TMEM132E: variants seen among roughly 807,000 people sequenced by gnomAD.
TMEM132E encodes the protein transmembrane protein 132E.
Under a neutral mutation model 78.5 loss-of-function variants are expected in TMEM132E, and 49 were observed. The ratio of observed to expected loss-of-function variants is 0.62; its 90% CI spans 0.50 to 0.79. TMEM132E has a LOEUF of 0.79. Ranked by LOEUF, TMEM132E falls within the 30% of genes least tolerant of loss-of-function variation. The pLI is 0.00. For synonymous variants in TMEM132E, 715 were observed against 670.6 expected (o/e 1.07, Z -1.02); for missense variants, 1,403 against 1,470.9 (o/e 0.95, Z 0.75).
At chr17:34,593,959 A>G (rs1260615865) in intron 1 of TMEM132E, among the ~76,000 whole-genome samples, 2 of 152,118 alleles carry the variant, frequency 1.3e-5, no homozygotes, top group Middle Eastern at 3.2e-3. Context: ...CAGAGCCTCA[A>G]GGACTTGGCT....
intron 1 of TMEM132E, among the ~76,000 whole-genome samples, chr17:34,597,882 T>G (rs1463566810): frequency 1.3e-5 from 2 of 152,118 alleles, no homozygotes; most frequent in African/African-American, 2.4e-5. Context: ...GAGACCTCAA[T>G]CCTAGCAGCT....
rs2142091444 is a variant in TMEM132E, at chr17:34,639,245, T to TCTTG, written c.*1013_*1014insCTTG. 1 of 152,608 alleles carries TCTTG rather than the reference T, an allele frequency of 6.6e-6. No individual in the cohort carries two copies. Among genetic ancestry groups the TCTTG allele is most frequent in the African/African-American group, 2.4e-5 (1 of 41,518 alleles). The allele number at this position is 152,608 out of a possible 1,614,324, so 9.5% of individuals were successfully genotyped here. ...TTCTCTCGGGTTCTACCCACCACTG[T>TCTTG]GTCGGATTTTTCTTAAATAAATGGA... On this transcript the variant is annotated 3_prime_UTR_variant, in exon 9 of 9. Transcript: ENST00000631683.
At position 34,632,918 on chromosome 17, in the gene TMEM132E, C is replaced by T; in HGVS notation, c.1688+9C>T. On this transcript the variant is annotated intron_variant, in intron 6 of 8. Coordinates refer to ENST00000631683, the MANE Select transcript of TMEM132E (RefSeq NM_001304438.2). ...ATCCTCCCCGACCGGAGGTACAGCC[C>T]CTCTCCCATGGCGGATACTTGGGAA... 1 of 1,614,004 alleles carries T rather than the reference C, an allele frequency of 6.2e-7. No homozygotes were observed. The highest frequency in any genetic ancestry group is 8.5e-7 in the Non-Finnish European group (1 of 1,180,008).
intron 1 of TMEM132E, among the ~76,000 whole-genome samples, chr17:34,592,640 A>G (rs971814419): frequency 4.6e-5 from 7 of 152,262 alleles, no homozygotes; most frequent in African/African-American, 1.4e-4. Flanking sequence ...TGTGCAAACA[A>G]TAAGAAGAAA....
chr17:34,626,207 T>C lies in TMEM132E; in HGVS notation c.148T>C (p.Ser50Pro), dbSNP rs748827129. Residue 50 changes from serine to proline, a missense_variant, in exon 2 of 9, where the codon TCG becomes CCG. Coordinates refer to ENST00000631683, the MANE Select transcript of TMEM132E (RefSeq NM_001304438.2). ...GGTGCTGCCAGTCAGCTACCGCCTG[T>C]CGCACACGCGGCTGGCCTTCTTCCT... ...SPVLPVSYRL[S>P]HTRLAFFLRE... is the part of the protein sequence containing the mutation. The C allele has an allele frequency of 6.3e-7, 1 of 1,575,724 alleles. No individual in the cohort carries two copies. Among genetic ancestry groups the C allele is most frequent in the South Asian group, 1.2e-5 (1 of 86,318 alleles).
intron 1 of TMEM132E, among the ~76,000 whole-genome samples, chr17:34,618,386 C>G (rs946586289): frequency 1.3e-5 from 2 of 150,214 alleles, no homozygotes; most frequent in South Asian, 2.1e-4. Context: ...CACAGGTCCA[C>G]GTCTGGTGAT....
chr17:34,620,051 A>T (rs1567717801), intron 1 of TMEM132E, among the ~76,000 whole-genome samples: 1 of 152,258 alleles, frequency 6.6e-6, no homozygotes, highest in Admixed American at 6.5e-5. Context: ...TAGAGGTAGA[A>T]GCAGGAGGCA....
intron 1 of TMEM132E, among the ~76,000 whole-genome samples, chr17:34,595,248 G>A (rs1567712048): frequency 6.6e-6 from 1 of 152,180 alleles, no homozygotes; most frequent in East Asian, 1.9e-4. Context: ...ACCTGATAGG[G>A]GTCACTTTTG....
chr17:34,611,579 G>T (rs1235251304), intron 1 of TMEM132E, among the ~76,000 whole-genome samples: 1 of 152,182 alleles, frequency 6.6e-6, no homozygotes, highest in Non-Finnish European at 1.5e-5. Flanking sequence ...GCTTGGAGGG[G>T]TGGTTAGAAC....
chr17:34,601,555 T>C (rs1159878952), intron 1 of TMEM132E, among the ~76,000 whole-genome samples: 2 of 152,240 alleles, frequency 1.3e-5, no homozygotes, highest in Non-Finnish European at 2.9e-5. Flanking sequence ...ACGAACCTGA[T>C]GGCCTTGTGG....
In TMEM132E at chr17:34,629,916, G is replaced by C. The variant is rs553210624; in HGVS notation, c.1339-92G>C. On this transcript the variant is annotated intron_variant, in intron 4 of 8. Coordinates refer to ENST00000631683, the MANE Select transcript of TMEM132E (RefSeq NM_001304438.2). The stretch of plus-strand genomic sequence containing the variant: ...TGGAAGGATGTGCATCTGAGGAGTG[G>C]GGGGGGAGCGTCCAGGAGCTGGGGC... The C allele has an allele frequency of 3.8e-5, 54 of 1,404,160 alleles. No individual in the cohort carries two copies. The African/African-American group carries it at 6.8e-4, about 18-fold the overall frequency. 87.0% of individuals were successfully genotyped at this position (1,404,160 alleles called of 1,614,324 possible). A position where few individuals can be genotyped will look rare whatever the true frequency, so the allele number is the denominator to read the frequency against.
At chr17:34,634,238 G>A (rs1309301052) in intron 6 of TMEM132E, among the ~76,000 whole-genome samples, 4 of 152,128 alleles carry the variant, frequency 2.6e-5, no homozygotes, top group African/African-American at 9.7e-5. Context: ...TCAAGTCCAG[G>A]TTCCCTTTTG....
chr17:34,600,458 TG>T (rs1484960114), intron 1 of TMEM132E, among the ~76,000 whole-genome samples: 1 of 151,818 alleles, frequency 6.6e-6, no homozygotes, highest in African/African-American at 2.4e-5. Context: ...TGTGTGTGTG[TG>T]TGTGGCAGGG....
At position 34,630,024 on chromosome 17, in the gene TMEM132E, A is replaced by G. The variant is rs150666637; in HGVS notation, c.1355A>G (p.Asn452Ser). Residue 452 changes from asparagine (N) to serine (S), a missense_variant, in exon 5 of 9, where the codon AAC (asparagine) becomes AGC (serine). By Grantham distance (46) the Asn-to-Ser change is conservative. Transcript: ENST00000631683. ...TCCCTGCAGGACACAGAGATCATCAACACGGCCATTCTGACTGGCCGGACA... is the reference window on the plus strand; with the variant it reads ...TCCCTGCAGGACACAGAGATCATCAGCACGGCCATTCTGACTGGCCGGACA... The part of the protein sequence containing the change: ...LPLAMDTEII[N>S]TAILTGRTVA... 3.1e-6 allele frequency: 5 copies of G among 1,610,808 alleles called. No individual in the cohort carries two copies. The highest frequency in any genetic ancestry group is 4.2e-6 in the Non-Finnish European group (5 of 1,177,520).
intron 7 of TMEM132E, 125 bp downstream of exon 7, chr17:34,635,212 G>C: frequency 8.7e-7 from 1 of 1,148,236 alleles, no homozygotes. Context: ...CCTGCCCCTT[G>C]TCTGAAATTC....
intron 1 of TMEM132E, among the ~76,000 whole-genome samples, chr17:34,599,660 AT>A (rs1255783937): frequency 6.6e-6 from 1 of 152,034 alleles, no homozygotes; most frequent in African/African-American, 2.4e-5. Context: ...TTTTATTTTT[AT>A]TTTTTATTAT....
At chr17:34,621,182 G>T (rs1481502360) in intron 1 of TMEM132E, among the ~76,000 whole-genome samples, 1 of 152,204 alleles carries the variant, frequency 6.6e-6, no homozygotes, top group African/African-American at 2.4e-5. Context: ...GTATCAGTTT[G>T]CTAGGGCTGC....
chr17:34,634,861 G>A lies in TMEM132E; in HGVS notation c.1751G>A (p.Arg584His), dbSNP rs200681541. Reference protein sequence around the residue: ...EEEERRQSASRGCTLQYQHAT... With the variant: ...EEEERRQSASHGCTLQYQHAT... The stretch of plus-strand genomic sequence containing the variant: ...GAGGAGCGGCGGCAGAGTGCAAGCC[G>A]TGGCTGCACCCTGCAGTACCAGCAT... The change falls in exon 7 of 9, where the codon CGT becomes CAT. Residue 584 changes from arginine to histidine, a missense_variant. Physicochemically the swap from Arg to His is conservative, Grantham distance 29. This residue lies in a region of TMEM132E where 888 missense variants were observed against 952.8 expected (regional missense o/e 0.93). Coordinates refer to ENST00000631683, the MANE Select transcript of TMEM132E (RefSeq NM_001304438.2). 104 of 1,614,024 alleles carry A rather than the reference G, an allele frequency of 6.4e-5. No individual in the cohort carries two copies. Among genetic ancestry groups the A allele is most frequent in the East Asian group, 6.7e-5 (3 of 44,888 alleles).
chr17:34,626,853 A>T lies in TMEM132E; in HGVS notation c.794A>T (p.Gln265Leu), dbSNP rs1365514338. 6.2e-7 allele frequency: 1 copy of T among 1,600,820 alleles called. No individual in the cohort carries two copies. The highest frequency in any genetic ancestry group is 1.1e-5 in the South Asian group (1 of 90,282). Residue 265 changes from glutamine to leucine, a missense_variant, in exon 2 of 9, where the codon CAG (glutamine) becomes CTG (leucine). By Grantham distance (113) the Gln-to-Leu change is moderately radical. Around this residue, in one of 3 missense-constraint regions of TMEM132E, gnomAD observed 511 missense variants for 499.0 expected, o/e 1.02. Transcript: ENST00000631683. Reference sequence around the variant, plus strand: ...GGGGCCCGAGCGGAAAGCCCTACCCAGCACCCCCTGCTGCGCATCGGGAGC... The same window carrying T: ...GGGGCCCGAGCGGAAAGCCCTACCCTGCACCCCCTGCTGCGCATCGGGAGC... ...GVGARAESPT[Q>L]HPLLRIGSIS...
Sources: gnomAD v4.1 joint callset for allele counts (sites outside exome capture counted in the v4.1 genomes callset) on GRCh38, gnomAD v4.1.1 for gene constraint, gnomAD v4.1.1 regional missense constraint, MANE v1.5 for transcripts, NCBI Gene and HGNC (gene_info 2026-07-23, HGNC 2026-07-21) for gene names.